Variants in SYNE2 observed in about 807,000 individuals in gnomAD.
SYNE2 encodes the protein spectrin repeat containing nuclear envelope protein 2.
A neutral mutation model predicts 856.3 loss-of-function variants in SYNE2; 431 were observed. The ratio of observed to expected loss-of-function variants is 0.50; its 90% CI spans 0.47 to 0.55. SYNE2 has a LOEUF of 0.55. SYNE2 is among the 20% of genes least tolerant of loss of function. The pLI, the probability that SYNE2 is intolerant of heterozygous loss-of-function variation, is 0.00. For synonymous variants in SYNE2, 2,923 were observed against 2,872.3 expected, an observed-to-expected ratio of 1.02 and a Z score of -0.56; for missense variants, 8,129 against 8,023.2, an observed-to-expected ratio of 1.01 and a Z score of -0.50.
intron 6 of SYNE2, among the ~76,000 whole-genome samples, chr14:63,944,296 A>G (rs958980342): frequency 4.9e-4 from 72 of 147,386 alleles, no homozygotes; most frequent in African/African-American, 1.7e-3. Context: ...ATATATATAT[A>G]TATATATATA....
intron 111 of SYNE2, 129 bp downstream of exon 111, chr14:64,220,766 CT>C: frequency 8.9e-7 from 1 of 1,122,816 alleles, no homozygotes; most frequent in Non-Finnish European, 1.3e-6. Context: ...GAAACATGTG[CT>C]TTACCATTTG....
chr14:63,882,444 G>A (rs546504547), intron 1 of SYNE2, among the ~76,000 whole-genome samples: 6 of 152,092 alleles, frequency 3.9e-5, no homozygotes, highest in South Asian at 2.1e-4. Context: ...CCGGGTGAGC[G>A]GTGGCTCACA....
rs750416229 is a variant in SYNE2 at position 64,053,358 on chromosome 14, T to A, written c.9445T>A (p.Leu3149Met). The A allele has an allele frequency of 6.2e-7, 1 of 1,613,310 alleles. No homozygotes were observed. Among genetic ancestry groups the A allele is most frequent in the African/African-American group, 1.3e-5 (1 of 74,860 alleles). The change falls in exon 48 of 116, where the codon TTG becomes ATG. Residue 3149 changes from leucine to methionine, a missense_variant. Leu to Met is a conservative substitution (Grantham distance 15, BLOSUM62 2). Coordinates refer to ENST00000555002, the MANE Select transcript of SYNE2 (RefSeq NM_182914.3). ...NMVLELSPKE[L>M]DEKNCQDKLE... ...GGTATTAGAACTCTCACCAAAAGAA[T>A]TGGATGAAAAGAATTGTCAGGACAA...
intron 107 of SYNE2, 192 bp downstream of exon 107, chr14:64,215,546 C>T: frequency 1.5e-6 from 1 of 673,128 alleles, no homozygotes; most frequent in Non-Finnish European, 2.6e-6. Flanking sequence ...CCATCCAAGC[C>T]AGAGCCGTCT....
chr14:64,125,107 G>C lies in SYNE2; in HGVS notation c.13451G>C (p.Ser4484Thr). ...TCCACAAATATGGGTATTCTACCCA[G>C]CGTGACTATGTATAACTTTAGATAC... ...QVSTNMGILP[S>T]VTMYNFRYPT... The change falls in exon 71 of 116, where the codon AGC (serine) becomes ACC (threonine). Residue 4484 changes from serine (S) to threonine (T), a missense_variant. Physicochemically the swap from Ser to Thr is moderately conservative, Grantham distance 58. Coordinates refer to ENST00000555002, the MANE Select transcript of SYNE2 (RefSeq NM_182914.3). 1 of 1,614,184 alleles carries C rather than the reference G, an allele frequency of 6.2e-7. No homozygotes were observed. The highest frequency in any genetic ancestry group is 8.5e-7 in the Non-Finnish European group (1 of 1,180,030).
At chr14:64,215,793 C>T in intron 107 of SYNE2, 4 of 507,396 alleles carry the variant, frequency 7.9e-6, no homozygotes, top group East Asian at 1.3e-4. Context: ...AAAAACCTTC[C>T]TTTCCTTGAT....
At chr14:64,156,849 A>G (rs149564738) in intron 85 of SYNE2, among the ~76,000 whole-genome samples, 1 of 152,316 alleles carries the variant, frequency 6.6e-6, no homozygotes, top group African/African-American at 2.4e-5. Context: ...AGTTGCCAAC[A>G]TGAGACTCAC....
At chr14:63,959,284 CTTCTTT>C (rs2096278750) in intron 8 of SYNE2, among the ~76,000 whole-genome samples, 4 of 113,164 alleles carry the variant, frequency 3.5e-5, no homozygotes, top group Non-Finnish European at 3.8e-5. Flanking sequence ...TTCTTTTCTT[CTTCTTT>C]TTTTTTTTTT....
intron 11 of SYNE2, among the ~76,000 whole-genome samples, chr14:63,968,128 T>C (rs1357817174): frequency 1.3e-5 from 2 of 151,612 alleles, no homozygotes; most frequent in Admixed American, 1.3e-4. Context: ...GTACCACTGC[T>C]CTCCAGCCTG....
At chr14:63,774,468 C>T (rs1336537992) in intron 1 of SYNE2, among the ~76,000 whole-genome samples, 1 of 95,326 alleles carries the variant, frequency 1.0e-5, no homozygotes, top group Non-Finnish European at 2.0e-5. Context: ...GACTCCGTCT[C>T]AAAAAAAAAA....
Position 64,167,618 on chromosome 14 carries a change from G to A in SYNE2, c.16884G>A (p.Leu5628=). The A allele has an allele frequency of 6.2e-7, 1 of 1,614,208 alleles. No individual in the cohort carries two copies. Among genetic ancestry groups the A allele is most frequent in the South Asian group, 1.1e-5 (1 of 91,080 alleles). Residue 5628 remains leucine, a synonymous_variant, in exon 92 of 116, where the codon CTG becomes CTA. Transcript: ENST00000555002. ...TGGCTAACAGCCTTCCTGAGCTCCT[G>A]GAGCAGCAGAAAACCTATAAGGTAA... The part of the protein sequence containing the change: ...VDVANSLPEL[L]EQQKTYKMLE...
chr14:63,999,509 T>C (rs548608570), intron 27 of SYNE2, among the ~76,000 whole-genome samples: 1 of 152,304 alleles, frequency 6.6e-6, no homozygotes, highest in East Asian at 1.9e-4. Context: ...GACTGTCTGA[T>C]GTTGGGCATT....
At chr14:63,976,079 G>T (rs1447306569) in intron 11 of SYNE2, among the ~76,000 whole-genome samples, 1 of 152,206 alleles carries the variant, frequency 6.6e-6, no homozygotes, top group Admixed American at 6.5e-5. Flanking sequence ...GGGATGGGTG[G>T]TGCTTTCGTG....
chr14:64,135,961 A>G lies in SYNE2; in HGVS notation c.14646+1761A>G, dbSNP rs1000689458. ...CTGTGTTCAAATGCTGGCTCAGCCT[A>G]GTTACTCGTGCACAGACTGTATCCC... On this transcript the variant is annotated intron_variant, in intron 78 of 115. Transcript: ENST00000555002. Among the ~76,000 whole-genome samples, 15 of 152,254 alleles carry G rather than the reference A, an allele frequency of 9.9e-5. No homozygotes were observed. In the East Asian group the frequency reaches 2.9e-3, roughly 29 times the overall value.
chr14:63,965,600 T>C (rs1391108442), intron 10 of SYNE2, among the ~76,000 whole-genome samples: 3 of 152,230 alleles, frequency 2.0e-5, no homozygotes, highest in Admixed American at 6.5e-5. Flanking sequence ...TGCTTTGTCC[T>C]GAACAAGCTG....
At position 63,909,177 on chromosome 14, in the gene SYNE2, A is replaced by T; in HGVS notation, c.29A>T (p.Glu10Val). Residue 10 changes from glutamate (E) to valine (V), a missense_variant, in exon 2 of 116, where the codon GAA (glutamate) becomes GTA (valine). This residue lies in a region of SYNE2 where 2,422 missense variants were observed against 2,357.4 expected (regional missense o/e 1.03). Coordinates refer to ENST00000555002, the MANE Select transcript of SYNE2 (RefSeq NM_182914.3). The part of the protein sequence containing the change: MASSPELPT[E>V]DEQGSWGIDD... Reference sequence around the variant, plus strand: ...GCATCTAGTCCTGAGCTTCCCACCGAAGATGAACAGGGTTCCTGGGGCATC... The same window carrying T: ...GCATCTAGTCCTGAGCTTCCCACCGTAGATGAACAGGGTTCCTGGGGCATC... 6.2e-7 allele frequency: 1 copy of T among 1,613,360 alleles called. No individual in the cohort carries two copies. The highest frequency in any genetic ancestry group is 8.5e-7 in the Non-Finnish European group (1 of 1,179,606).
chr14:63,855,651 C>T (rs1311163902), intron 1 of SYNE2, among the ~76,000 whole-genome samples: 2 of 152,196 alleles, frequency 1.3e-5, no homozygotes, highest in African/African-American at 4.8e-5. Context: ...TTTAAAATCA[C>T]AGCCATCCTC....
At position 64,163,394 on chromosome 14, in the gene SYNE2, T is replaced by C; in HGVS notation, c.16300-8T>C. On this transcript the variant is annotated splice_region_variant and splice_polypyrimidine_tract_variant and intron_variant, in intron 88 of 115. Transcript: ENST00000555002. ...AAGAGGTGTTTGCCATCCCTTTTTC[T>C]TCTGCAGGAGCTGCAGCATGATGTG... 6.2e-7 allele frequency: 1 copy of C among 1,613,746 alleles called. No homozygotes were observed. Among genetic ancestry groups the C allele is most frequent in the Non-Finnish European group, 8.5e-7 (1 of 1,180,022 alleles).
chr14:64,135,984 C>T (rs1323446784), intron 78 of SYNE2, among the ~76,000 whole-genome samples: 2 of 152,114 alleles, frequency 1.3e-5, no homozygotes, highest in Admixed American at 1.3e-4. Flanking sequence ...CAGACTGTAT[C>T]CCATGCATAC....
Sources: gnomAD v4.1 joint callset for allele counts (sites outside exome capture counted in the v4.1 genomes callset) on GRCh38, gnomAD v4.1.1 for gene constraint, gnomAD v4.1.1 regional missense constraint, MANE v1.5 for transcripts, NCBI Gene and HGNC (gene_info 2026-07-23, HGNC 2026-07-21) for gene names.